Variants in GALNT17 observed in about 807,000 individuals in gnomAD.
GALNT17 encodes polypeptide N-acetylgalactosaminyltransferase 17.
GALNT17 carries 29 observed loss-of-function variants against 63.7 expected under a neutral mutation model. That is an observed-to-expected ratio of 0.46 (90% CI 0.34 to 0.62). The LOEUF is 0.62. GALNT17 is among the 20% of genes least tolerant of loss of function. The pLI is 0.01. For missense variants in GALNT17, 603 were observed against 799.6 expected, an observed-to-expected ratio of 0.75 and a Z score of 2.97; for synonymous variants, 305 against 318.3, an observed-to-expected ratio of 0.96 and a Z score of 0.45.
rs145445110 is a variant in GALNT17, at chr7:71,388,338, G to A, written c.526G>A (p.Val176Ile). 1,169 of 1,613,916 alleles carry A rather than the reference G, an allele frequency of 7.2e-4. 2 individuals carry two copies. Among genetic ancestry groups the A allele is most frequent in the Non-Finnish European group, 9.2e-4 (1,080 of 1,179,964 alleles). Residue 176 changes from valine to isoleucine, a missense_variant, in exon 3 of 11, where the codon GTC (valine) becomes ATC (isoleucine). Around this residue, in one of 3 missense-constraint regions of GALNT17, gnomAD observed 336 missense variants for 507.8 expected, o/e 0.66. Transcript: ENST00000333538. ...GATCCTGCGGTCCGTGCACAGTGCC[G>A]TCAATCACACGCCCACACACCTGCT... ...SVILRSVHSAVNHTPTHLLKE... is the reference protein window; with the variant it reads ...SVILRSVHSAINHTPTHLLKE...
At chr7:71,219,696 C>T (rs1158080632) in intron 1 of GALNT17, among the ~76,000 whole-genome samples, 1 of 152,010 alleles carries the variant, frequency 6.6e-6, no homozygotes, top group Admixed American at 6.6e-5. Flanking sequence ...AGGGGGTTTC[C>T]CTTGTGTTCT....
At chr7:71,326,701 TA>T (rs920679498) in intron 1 of GALNT17, among the ~76,000 whole-genome samples, 1 of 152,190 alleles carries the variant, frequency 6.6e-6, no homozygotes, top group Non-Finnish European at 1.5e-5. Context: ...TTTGCTGAAT[TA>T]AAAAACACTA....
At chr7:71,307,929 G>A (rs1791336670) in intron 1 of GALNT17, among the ~76,000 whole-genome samples, 1 of 151,642 alleles carries the variant, frequency 6.6e-6, no homozygotes, top group African/African-American at 2.4e-5. Context: ...CTGGTTATTA[G>A]AAAGAGGCCA....
At chr7:71,217,419 A>G (rs1182503253) in intron 1 of GALNT17, among the ~76,000 whole-genome samples, 1 of 151,930 alleles carries the variant, frequency 6.6e-6, no homozygotes, top group Non-Finnish European at 1.5e-5. Flanking sequence ...AGTAATCAGC[A>G]TATTGTTGCA....
At chr7:71,498,350 G>A (rs994907987) in intron 5 of GALNT17, among the ~76,000 whole-genome samples, 4 of 151,966 alleles carry the variant, frequency 2.6e-5, no homozygotes, top group African/African-American at 4.8e-5. Context: ...GGCGGTTCAC[G>A]TCTGTAATCC....
At chr7:71,542,785 A>G (rs1423422176) in intron 5 of GALNT17, among the ~76,000 whole-genome samples, 1 of 151,896 alleles carries the variant, frequency 6.6e-6, no homozygotes, top group African/African-American at 2.4e-5. Context: ...TTTGCATTCT[A>G]CTTTCCTTGT....
intron 5 of GALNT17, among the ~76,000 whole-genome samples, chr7:71,521,492 A>C (rs1208370973): frequency 6.6e-6 from 1 of 152,048 alleles, no homozygotes; most frequent in Non-Finnish European, 1.5e-5. Context: ...TGCAATTCAC[A>C]CCTTCTCTGT....
At chr7:71,352,223 C>T (rs149028341) in intron 2 of GALNT17, among the ~76,000 whole-genome samples, 91 of 152,248 alleles carry the variant, frequency 6.0e-4, no homozygotes, top group Admixed American at 1.0e-3. Context: ...TCTCTCTTGC[C>T]GCTGCCATGT....
chr7:71,654,971 G>T (rs1367118568), intron 6 of GALNT17, among the ~76,000 whole-genome samples: 2 of 152,092 alleles, frequency 1.3e-5, no homozygotes, highest in Admixed American at 6.6e-5. Context: ...TGTATTTTTA[G>T]TAGAGAAGGG....
chr7:71,526,185 T>C (rs1788621008), intron 5 of GALNT17, among the ~76,000 whole-genome samples: 1 of 152,214 alleles, frequency 6.6e-6, no homozygotes, highest in Admixed American at 6.5e-5. Flanking sequence ...TCATTTTCAT[T>C]CTTGGTAGGA....
intron 5 of GALNT17, among the ~76,000 whole-genome samples, chr7:71,449,050 T>C (rs1787209570): frequency 6.6e-6 from 1 of 151,814 alleles, no homozygotes; most frequent in African/African-American, 2.4e-5. Context: ...TGTACTTCTC[T>C]ATGTGTTTGC....
chr7:71,602,895 C>T (rs147846555), intron 6 of GALNT17, among the ~76,000 whole-genome samples: 47 of 151,750 alleles, frequency 3.1e-4, no homozygotes, highest in African/African-American at 9.0e-4. Flanking sequence ...GGTACTGTGC[C>T]GAGTCCACAC....
intron 5 of GALNT17, among the ~76,000 whole-genome samples, chr7:71,534,282 A>C (rs1362796424): frequency 6.6e-6 from 1 of 152,024 alleles, no homozygotes; most frequent in African/African-American, 2.4e-5. Context: ...GTGTAAAGCA[A>C]AGTGAGAGAA....
intron 5 of GALNT17, among the ~76,000 whole-genome samples, chr7:71,501,338 C>T (rs1034615179): frequency 3.3e-5 from 5 of 152,110 alleles, no homozygotes; most frequent in African/African-American, 1.2e-4. Context: ...GACCATGGCT[C>T]ACTGCAGCCT....
chr7:71,559,932 C>T (rs4719149), intron 5 of GALNT17, among the ~76,000 whole-genome samples: 77,065 of 150,482 alleles, frequency 0.51, 20,483 homozygotes, highest in African/African-American at 0.64. Context: ...CGGTAGCTCA[C>T]GCCTGTAAAT....
intron 1 of GALNT17, among the ~76,000 whole-genome samples, chr7:71,299,459 G>C (rs999909777): frequency 5.3e-5 from 8 of 152,206 alleles, no homozygotes; most frequent in African/African-American, 1.9e-4. Context: ...AACCGAGGCT[G>C]ATGCAGAATT....
intron 9 of GALNT17, among the ~76,000 whole-genome samples, chr7:71,710,231 C>G (rs1054700530): frequency 2.3e-4 from 35 of 152,228 alleles, no homozygotes; most frequent in Admixed American, 5.9e-4. Context: ...AGATCAGGGC[C>G]GGGCGCCGTG....
At chr7:71,194,461 TG>T (rs1473992394) in intron 1 of GALNT17, among the ~76,000 whole-genome samples, 1 of 152,194 alleles carries the variant, frequency 6.6e-6, no homozygotes, top group African/African-American at 2.4e-5. Context: ...TGCTGTTCCC[TG>T]GCAGATACAG....
At chr7:71,371,772 AG>A (rs1792627249) in intron 2 of GALNT17, among the ~76,000 whole-genome samples, 1 of 152,268 alleles carries the variant, frequency 6.6e-6, no homozygotes, top group Admixed American at 6.5e-5. Context: ...TGTGTTTGGA[AG>A]GGAGACGTGC....
Sources: allele counts gnomAD v4.1 joint callset (sites outside exome capture counted in the v4.1 genomes callset), GRCh38; gene constraint gnomAD v4.1.1; regional missense constraint gnomAD v4.1.1; transcripts MANE v1.5; gene names NCBI Gene and HGNC (gene_info 2026-07-23, HGNC 2026-07-21).